Variants in PAM16 observed in about 807,000 individuals in gnomAD.
PAM16 encodes presequence translocase associated motor 16.
In PAM16, 11 loss-of-function variants were observed where a neutral mutation model predicts 17.9. The ratio of observed to expected loss-of-function variants is 0.62; its 90% CI spans 0.39 to 1.02. PAM16 has a LOEUF of 1.02. Among genes scored for constraint, PAM16 ranks in the 50% least tolerant of loss-of-function variants. The pLI is 0.01. For missense variants in PAM16, 199 were observed against 165.4 expected (o/e 1.20, Z -1.11); for synonymous variants, 72 against 67.4 (o/e 1.07, Z -0.34).
Position 4,340,798 on chromosome 16 carries a change from C to T in PAM16, c.291+122G>A, listed in dbSNP as rs953812992. 7.0e-6 allele frequency: 9 copies of T among 1,294,116 alleles called. No individual in the cohort carries two copies. In the African/African-American group the frequency reaches 1.0e-4, roughly 15 times the overall value. The allele number at this position is 1,294,116 out of a possible 1,614,324, so 80.2% of individuals were successfully genotyped here. A position where few individuals can be genotyped will look rare whatever the true frequency, so the allele number is the denominator to read the frequency against. On this transcript the variant is annotated intron_variant, in intron 4 of 4. Coordinates refer to ENST00000318059, the MANE Select transcript of PAM16 (RefSeq NM_016069.11). ...CTGAGGCTGGGGCACCATGGGAAAG[C>T]CTGGCACAGTTTTCTGTGTGCCAAG...
intron 1 of PAM16, among the ~76,000 whole-genome samples, chr16:4,348,980 A>C (rs1471492744): frequency 1.1e-4 from 9 of 85,172 alleles, no homozygotes; most frequent in Admixed American, 1.7e-4. Context: ...TTTGAGACGG[A>C]GTCTTGCTCT....
At chr16:4,344,205 AGAG>A (rs2053697924) in intron 1 of PAM16, 2 of 234,624 alleles carry the variant, frequency 8.5e-6, no homozygotes, top group South Asian at 2.0e-4. Flanking sequence ...GTTCTGTGTG[AGAG>A]GAGGGCGTTC....
chr16:4,351,280 C>G lies in PAM16; in HGVS notation c.-46G>C, dbSNP rs769720091. On this transcript the variant is annotated 5_prime_UTR_variant, in exon 1 of 5. Coordinates refer to ENST00000318059, the MANE Select transcript of PAM16 (RefSeq NM_016069.11). ...GGCTCAAACTCCGACTTCCTGGCCC[C>G]GCGGCCGGGGATCAAGCGTGGTCGG... The G allele has an allele frequency of 3.4e-5, 49 of 1,445,308 alleles. No individual in the cohort carries two copies. The highest frequency in any genetic ancestry group is 4.0e-5 in the Non-Finnish European group (44 of 1,088,794). 89.5% of individuals were successfully genotyped at this position (1,445,308 alleles called of 1,614,324 possible).
At chr16:4,346,766 C>T (rs1168477122) in intron 1 of PAM16, 1 of 152,178 alleles carries the variant, frequency 6.6e-6, no homozygotes, top group African/African-American at 2.4e-5. Context: ...GTCACCCAGG[C>T]TAGAGTGCAG....
At chr16:4,349,577 G>A (rs1596256287) in intron 1 of PAM16, among the ~76,000 whole-genome samples, 1 of 151,854 alleles carries the variant, frequency 6.6e-6, no homozygotes, top group Non-Finnish European at 1.5e-5. Context: ...ACCCATCTGG[G>A]GCAACACAGC....
chr16:4,341,596 C>T (rs746333112), intron 2 of PAM16, 92 bp from the exon 3 acceptor site: 2 of 1,494,916 alleles, frequency 1.3e-6, no homozygotes, highest in African/African-American at 2.8e-5. Flanking sequence ...GCCACCAGCA[C>T]AGGATGAGAG....
rs781348479 is a variant in PAM16 at position 4,340,312 on chromosome 16, C to T, written c.*7G>A. ...AGGCGGCGGGGTGGGCGGGGGGAGC[C>T]GAGCAGTCACGTATGGGGCATCTGC... On this transcript the variant is annotated 3_prime_UTR_variant, in exon 5 of 5. Transcript: ENST00000318059. The T allele has an allele frequency of 2.4e-5, 38 of 1,608,108 alleles. No homozygotes were observed. The highest frequency in any genetic ancestry group is 5.0e-5 in the Admixed American group (3 of 59,838).
chr16:4,340,948 A>G lies in PAM16; in HGVS notation c.263T>C (p.Val88Ala), dbSNP rs2141140530. The change falls in exon 4 of 5, where the codon GTG (valine) becomes GCG (alanine). Residue 88 changes from valine (V) to alanine (A), a missense_variant. Coordinates refer to ENST00000318059, the MANE Select transcript of PAM16 (RefSeq NM_016069.11). Reference protein sequence around the residue: ...EHLFKVNDKSVGGSFYLQSKV... With the variant: ...EHLFKVNDKSAGGSFYLQSKV... ...TGACTGCAGGTAGAAGGAGCCACCC[A>G]CGGATTTATCATTCACCTTAAATAA... is the stretch of plus-strand genomic sequence containing the variant. 6.2e-7 allele frequency: 1 copy of G among 1,613,708 alleles called. No individual in the cohort carries two copies. The highest frequency in any genetic ancestry group is 8.5e-7 in the Non-Finnish European group (1 of 1,179,990).
intron 2 of PAM16, among the ~76,000 whole-genome samples, chr16:4,342,590 G>A (rs1425751953): frequency 2.0e-5 from 3 of 151,464 alleles, no homozygotes; most frequent in Non-Finnish European, 4.4e-5. Context: ...GGAGGCAGAG[G>A]TTGCAGTGAG....
At chr16:4,342,996 A>G (rs1466325720) in intron 2 of PAM16, among the ~76,000 whole-genome samples, 1 of 152,260 alleles carries the variant, frequency 6.6e-6, no homozygotes. Context: ...TCAGGTATCC[A>G]GATGGGCCAG....
intron 1 of PAM16, among the ~76,000 whole-genome samples, chr16:4,349,328 G>C (rs910495910): frequency 6.6e-6 from 1 of 152,178 alleles, no homozygotes; most frequent in African/African-American, 2.4e-5. Context: ...AGCACTTTGG[G>C]AGTCCGAGGC....
chr16:4,343,296 G>C lies in PAM16; in HGVS notation c.4-5C>G. 6.2e-7 allele frequency: 1 copy of C among 1,605,430 alleles called. No individual in the cohort carries two copies. Among genetic ancestry groups the C allele is most frequent in the Non-Finnish European group, 8.5e-7 (1 of 1,176,700 alleles). ...GATCTGGGCCAGGTACTTGGCCTGT[G>C]GGCAAAGCAGGCACCCGGTTAGCAG... On this transcript the variant is annotated splice_region_variant and splice_polypyrimidine_tract_variant and intron_variant, in intron 1 of 4. Transcript: ENST00000318059.
At chr16:4,348,113 G>C (rs1453098718) in intron 1 of PAM16, 1 of 152,234 alleles carries the variant, frequency 6.6e-6, no homozygotes, top group Non-Finnish European at 1.5e-5. Context: ...GGGCCCCTGA[G>C]AATAGATACG....
intron 1 of PAM16, among the ~76,000 whole-genome samples, chr16:4,345,027 G>A (rs1019672293): frequency 8.6e-5 from 13 of 152,044 alleles, no homozygotes; most frequent in Non-Finnish European, 1.5e-4. Flanking sequence ...GGAAAGACTG[G>A]GAATCTGGCG....
At chr16:4,344,185 AGAG>A (rs1050297813) in intron 1 of PAM16, 2 of 286,850 alleles carry the variant, frequency 7.0e-6, no homozygotes, top group Non-Finnish European at 1.3e-5. Context: ...GGATTCGGTG[AGAG>A]GAGGGGGTTC....
chr16:4,341,606 G>A (rs999992010), intron 2 of PAM16, 102 bp from the exon 3 acceptor site: 2 of 1,474,722 alleles, frequency 1.4e-6, no homozygotes, highest in African/African-American at 2.8e-5. Context: ...CAGGATGAGA[G>A]ACACAGGGAC....
intron 2 of PAM16, chr16:4,341,736 G>C (rs1404569461): frequency 1.5e-6 from 1 of 653,686 alleles, no homozygotes; most frequent in African/African-American, 1.8e-5. Context: ...CGCTAATCCT[G>C]GCTCCTGGTC....
At chr16:4,348,100 C>T (rs988963075) in intron 1 of PAM16, 1 of 152,204 alleles carries the variant, frequency 6.6e-6, no homozygotes, top group Non-Finnish European at 1.5e-5. Context: ...CTCTGGTCAC[C>T]CAGGGCCCCT....
chr16:4,340,772 CCT>C, intron 4 of PAM16, 146 bp downstream of exon 4: 1 of 1,050,508 alleles, frequency 9.5e-7, no homozygotes, highest in Non-Finnish European at 1.5e-6. Flanking sequence ...AGGGGGCCTC[CCT>C]GAGGCTGGGG....
Sources: allele counts gnomAD v4.1 joint callset (sites outside exome capture counted in the v4.1 genomes callset), GRCh38; gene constraint gnomAD v4.1.1; transcripts MANE v1.5; gene names NCBI Gene and HGNC (gene_info 2026-07-23, HGNC 2026-07-21).